Variants in RARG observed in about 807,000 individuals in gnomAD.
The protein encoded by RARG is RAR-gamma.
Under a neutral mutation model 43.7 loss-of-function variants are expected in RARG, and 17 were observed. The ratio of observed to expected loss-of-function variants is 0.39; its 90% CI spans 0.27 to 0.58. RARG has a LOEUF of 0.58. Ranked by LOEUF, RARG falls within the 20% of genes least tolerant of loss-of-function variation. RARG has a pLI of 0.57. For synonymous variants in RARG, 238 were observed against 236.4 expected (o/e 1.01, Z -0.06); for missense variants, 346 against 598.7 (o/e 0.58, Z 4.40).
rs1005307748 is a variant in RARG, at chr12:53,211,457, G to A, written c.*219C>T. 2.4e-6 allele frequency: 1 copy of A among 414,988 alleles called. No homozygotes were observed. Among genetic ancestry groups the A allele is most frequent in the Admixed American group, 4.5e-5 (1 of 22,384 alleles). 25.7% of individuals were successfully genotyped at this position (414,988 alleles called of 1,614,324 possible). ...CATCCCTTTGCCCTCTCTCCTGGTG[G>A]GAGCAGGGCAGGCCCCCGGGACTGG... On this transcript the variant is annotated 3_prime_UTR_variant, in exon 10 of 10. Coordinates refer to ENST00000425354, the MANE Select transcript of RARG (RefSeq NM_000966.6). This position sits in a 1 kb window ranked among gnomAD's most constrained non-coding sequence, Gnocchi z 4.6.
Position 53,227,200 on chromosome 12 carries a change from T to C in RARG, c.184+162A>G, listed in dbSNP as rs1292004171. Among the ~76,000 whole-genome samples the C allele has an allele frequency of 6.6e-6, 1 of 152,180 alleles. No individual in the cohort carries two copies. Among genetic ancestry groups the C allele is most frequent in the African/African-American group, 2.4e-5 (1 of 41,434 alleles). On this transcript the variant is annotated intron_variant, in intron 3 of 9. Coordinates refer to ENST00000425354, the MANE Select transcript of RARG (RefSeq NM_000966.6). The surrounding 1 kb of genome is among the most constrained non-coding windows in gnomAD (Gnocchi z 4.3). Reference sequence around the variant, plus strand: ...TTGAGTCCACATCCAAACTCCTTCCTCACCACCACTACCACCCTCCATTAT... The same window carrying C: ...TTGAGTCCACATCCAAACTCCTTCCCCACCACCACTACCACCCTCCATTAT...
chr12:53,220,850 G>A (rs531112028), intron 3 of RARG, among the ~76,000 whole-genome samples: 4 of 152,250 alleles, frequency 2.6e-5, no homozygotes, highest in Admixed American at 1.3e-4. Context: ...GGAACGTGGA[G>A]GTCCCCGCGC....
chr12:53,212,425 GTGT>G lies in RARG; in HGVS notation c.1178-565_1178-563del, dbSNP rs552356450. Among the ~76,000 whole-genome samples, 10 of 151,856 alleles carry G rather than the reference GTGT, an allele frequency of 6.6e-5. 1 individual carries two copies. The East Asian group carries it at 9.7e-4, about 15-fold the overall frequency. ...GTATATGTTACAGGTTTTTTTTGTT[GTGT>G]TGTTGTTGTTGTTGTTGTTTTAGAG... On this transcript the variant is annotated intron_variant, in intron 9 of 9. Transcript: ENST00000425354.
chr12:53,228,693 TTCTCTC>T (rs531971649), intron 2 of RARG, among the ~76,000 whole-genome samples: 1 of 151,730 alleles, frequency 6.6e-6, no homozygotes, highest in Non-Finnish European at 1.5e-5. Context: ...GCCTCCTTTT[TTCTCTC>T]TCTCTCTCTC....
intron 3 of RARG, among the ~76,000 whole-genome samples, chr12:53,219,280 T>G (rs1942877032): frequency 6.6e-6 from 1 of 152,216 alleles, no homozygotes; most frequent in African/African-American, 2.4e-5. Flanking sequence ...ATTTCTTTTT[T>G]TATATGGGGG....
At chr12:53,220,397 G>A in intron 3 of RARG, 1 of 142,788 alleles carries the variant, frequency 7.0e-6, no homozygotes, top group Non-Finnish European at 1.4e-5. Context: ...GCCTGGAGGG[G>A]TGGGGGGTGG....
At chr12:53,219,941 G>C in intron 3 of RARG, 21 of 1,505,338 alleles carry the variant, frequency 1.4e-5, no homozygotes, top group Non-Finnish European at 1.9e-5. Context: ...CCCGGACTCC[G>C]GTACCTACAT....
At chr12:53,223,746 G>T (rs1277263164) in intron 3 of RARG, among the ~76,000 whole-genome samples, 1 of 152,178 alleles carries the variant, frequency 6.6e-6, no homozygotes, top group Non-Finnish European at 1.5e-5. Flanking sequence ...TTTGGGCCTG[G>T]GTAGCTGTCC....
chr12:53,226,359 GCTCTGTCAC>G (rs890139117), intron 3 of RARG, among the ~76,000 whole-genome samples: 17 of 152,120 alleles, frequency 1.1e-4, no homozygotes, highest in East Asian at 9.7e-4. Context: ...ATGGAGTCTT[GCTCTGTCAC>G]CCAGGCTGGA....
At chr12:53,223,380 G>C (rs759057048) in intron 3 of RARG, among the ~76,000 whole-genome samples, 1 of 151,736 alleles carries the variant, frequency 6.6e-6, no homozygotes, top group Non-Finnish European at 1.5e-5. Flanking sequence ...AAGAGCAGAA[G>C]AATAGCGAGG....
At chr12:53,231,014 C>T (rs1040896668) in intron 2 of RARG, among the ~76,000 whole-genome samples, 155 bp downstream of exon 2, 2 of 152,086 alleles carry the variant, frequency 1.3e-5, no homozygotes, top group Non-Finnish European at 2.9e-5. Flanking sequence ...CAGCATCTGA[C>T]CCTAAGGGCA....
chr12:53,213,519 C>A lies in RARG; in HGVS notation c.995G>T (p.Ser332Ile), dbSNP rs1942670903. ...ACCTCCGCAGATGAGGCAGATGGCGCTGAGCAGCCCTGTCTCGGTGTCATC... is the reference window on the plus strand; with the variant it reads ...ACCTCCGCAGATGAGGCAGATGGCGATGAGCAGCCCTGTCTCGGTGTCATC... ...EMDDTETGLL[S>I]AICLICGDRM... is the part of the protein sequence containing the mutation. Residue 332 changes from serine (S) to isoleucine (I), a missense_variant, in exon 8 of 10, where the codon AGC (serine) becomes ATC (isoleucine). Physicochemically the swap from Ser to Ile is moderately radical, Grantham distance 142. Transcript: ENST00000425354. This position sits in a 1 kb window ranked among gnomAD's most constrained non-coding sequence, Gnocchi z 4.7. 1 of 1,613,754 alleles carries A rather than the reference C, an allele frequency of 6.2e-7. No homozygotes were observed. Among genetic ancestry groups the A allele is most frequent in the South Asian group, 1.1e-5 (1 of 91,078 alleles).
intron 2 of RARG, among the ~76,000 whole-genome samples, chr12:53,230,479 A>G (rs1314715082): frequency 2.6e-5 from 4 of 152,014 alleles, no homozygotes; most frequent in Admixed American, 2.6e-4. Context: ...CAGCCTGGGC[A>G]GAGAACCCAG....
In RARG at chr12:53,211,709, GC is replaced by G; in HGVS notation, c.1331del (p.Gly444AlafsTer7). On this transcript the variant is annotated frameshift_variant, in exon 10 of 10. Coordinates refer to ENST00000425354, the MANE Select transcript of RARG (RefSeq NM_000966.6). LOFTEE classifies it high-confidence loss of function. The surrounding 1 kb of genome is among the most constrained non-coding windows in gnomAD (Gnocchi z 4.6). ...GGGACTTCAGGCCCCCTTTGCCCTG[GC>G]CCCCAGGAACCTCATCCTCGCTAGA... ...NASSEDEVPG[G>X]QGKGGLKSPA 1.3e-6 allele frequency: 2 copies of G among 1,556,470 alleles called. No individual in the cohort carries two copies. Among genetic ancestry groups the G allele is most frequent in the Admixed American group, 2.0e-5 (1 of 51,124 alleles).
At chr12:53,223,387 G>A (rs1943026483) in intron 3 of RARG, among the ~76,000 whole-genome samples, 2 of 151,788 alleles carry the variant, frequency 1.3e-5, no homozygotes, top group African/African-American at 4.8e-5. Flanking sequence ...GAAGAATAGC[G>A]AGGTGTGAAT....
intron 3 of RARG, among the ~76,000 whole-genome samples, chr12:53,222,267 A>AAAAGGAAGAAAGAG (rs1942992772): frequency 7.0e-6 from 1 of 142,306 alleles, no homozygotes; most frequent in Non-Finnish European, 1.5e-5. Flanking sequence ...AGAAGAAAGA[A>AAAAGGAAGAAAGAG]AAAGGAAGAA....
intron 3 of RARG, among the ~76,000 whole-genome samples, chr12:53,218,948 C>G (rs1942862665): frequency 6.6e-6 from 1 of 152,176 alleles, no homozygotes; most frequent in Admixed American, 6.5e-5. Flanking sequence ...ACACCCCACC[C>G]CCGCCAGGCA....
chr12:53,214,062 G>T lies in RARG; in HGVS notation c.810C>A (p.Ile270=). 5 of 1,610,942 alleles carry T rather than the reference G, an allele frequency of 3.1e-6. No individual in the cohort carries two copies. Among genetic ancestry groups the T allele is most frequent in the Non-Finnish European group, 4.2e-6 (5 of 1,178,766 alleles). The change falls in exon 7 of 10, where the codon ATC becomes ATA. Residue 270 remains isoleucine, a synonymous_variant. Transcript: ENST00000425354. ...GGACCCACAGGGCCTAACTTACCAG[G>T]ATATCTAGGCAGGCAGCTTTGAGCA... is the stretch of plus-strand genomic sequence containing the variant. ...ITLLKAACLD[I]LMLRICTRYT...
chr12:53,220,339 C>T (rs538608871), intron 3 of RARG: 1 of 1,332,748 alleles, frequency 7.5e-7, no homozygotes, highest in Non-Finnish European at 9.5e-7. Context: ...CAGCTCTTAT[C>T]TGGGTGCTTC....
Sources: gnomAD v4.1 joint callset for allele counts (sites outside exome capture counted in the v4.1 genomes callset) on GRCh38, gnomAD v4.1.1 for gene constraint, Gnocchi (gnomAD v3.1) non-coding constraint, MANE v1.5 for transcripts, NCBI Gene and HGNC (gene_info 2026-07-23, HGNC 2026-07-21) for gene names.